Variants in PTPRK observed in about 807,000 individuals in gnomAD.
PTPRK encodes the protein receptor-type tyrosine-protein phosphatase kappa.
In PTPRK, 75 loss-of-function variants were observed where a neutral mutation model predicts 178.0. The observed-to-expected ratio is 0.42, with a 90% CI of 0.35 to 0.51. The LOEUF is 0.51. PTPRK is among the 20% of genes least tolerant of loss of function. PTPRK has a pLI of 0.02. For missense variants in PTPRK, 1,441 were observed against 1,797.8 expected (o/e 0.80, Z 3.59); for synonymous variants, 637 against 620.6 (o/e 1.03, Z -0.39).
At chr6:128,384,456 T>C (rs1838402861) in intron 2 of PTPRK, among the ~76,000 whole-genome samples, 1 of 152,134 alleles carries the variant, frequency 6.6e-6, no homozygotes, top group African/African-American at 2.4e-5. Context: ...ATCAGGGGTG[T>C]CCAATCTTTT....
At chr6:128,205,518 G>C (rs1296959170) in intron 6 of PTPRK, among the ~76,000 whole-genome samples, 1 of 152,068 alleles carries the variant, frequency 6.6e-6, no homozygotes, top group African/African-American at 2.4e-5. Flanking sequence ...GGGAGGCTAA[G>C]ATGGGTGGAT....
At chr6:128,250,756 A>G (rs1816335462) in intron 3 of PTPRK, among the ~76,000 whole-genome samples, 1 of 152,232 alleles carries the variant, frequency 6.6e-6, no homozygotes, top group Admixed American at 6.5e-5. Context: ...CAGTATCTAC[A>G]TGAAAACTTA....
intron 7 of PTPRK, among the ~76,000 whole-genome samples, chr6:128,146,097 G>T (rs2114533183): frequency 6.6e-6 from 1 of 152,272 alleles, no homozygotes; most frequent in African/African-American, 2.4e-5. Flanking sequence ...CCTTTCCCTA[G>T]ATAAGCCAAA....
chr6:128,006,590 T>C (rs966603086), intron 14 of PTPRK, among the ~76,000 whole-genome samples: 1 of 151,026 alleles, frequency 6.6e-6, no homozygotes, highest in African/African-American at 2.4e-5. Flanking sequence ...ATATACCATA[T>C]ACTATATATA....
At chr6:128,241,781 CTTTT>C (rs930513368) in intron 4 of PTPRK, among the ~76,000 whole-genome samples, 7 of 132,144 alleles carry the variant, frequency 5.3e-5, no homozygotes, top group Admixed American at 7.6e-5. Context: ...TGTTTGCTTT[CTTTT>C]TTTTTTTTTT....
intron 7 of PTPRK, among the ~76,000 whole-genome samples, chr6:128,115,797 A>G (rs1407297080): frequency 3.9e-5 from 6 of 152,122 alleles, no homozygotes. Flanking sequence ...AACAAGTCTT[A>G]TTTTAAGATA....
At chr6:128,147,131 T>C (rs182311970) in intron 7 of PTPRK, among the ~76,000 whole-genome samples, 4 of 152,292 alleles carry the variant, frequency 2.6e-5, no homozygotes, top group Admixed American at 1.3e-4. Context: ...GTAGTAAATA[T>C]TATTAGTTAC....
intron 1 of PTPRK, among the ~76,000 whole-genome samples, chr6:128,451,096 G>A (rs935495446): frequency 6.6e-6 from 1 of 152,056 alleles, no homozygotes; most frequent in African/African-American, 2.4e-5. Context: ...AGCCAAAAAC[G>A]GTATACTAAA....
rs1785256397 is a variant in PTPRK, at chr6:128,083,823, C to A, written c.1467G>T (p.Val489=). ...GAGATTTTACTGGTACGGGACCAGG[C>A]ACTACAAAACACATGAATTTTTTGT... The part of the protein sequence containing the change: ...EETIIQTDED[V]PGPVPVKSLQ... Residue 489 remains valine, a splice_region_variant and synonymous_variant, in exon 9 of 30, where the codon GTG becomes GTT. Transcript: ENST00000368226. The A allele has an allele frequency of 6.6e-7, 1 of 1,520,442 alleles. No homozygotes were observed. Among genetic ancestry groups the A allele is most frequent in the South Asian group, 1.3e-5 (1 of 76,884 alleles). The allele number at this position is 1,520,442 out of a possible 1,614,324, so 94.2% of individuals were successfully genotyped here.
At chr6:128,463,253 C>G (rs774141939) in intron 1 of PTPRK, among the ~76,000 whole-genome samples, 1 of 152,140 alleles carries the variant, frequency 6.6e-6, no homozygotes, top group Non-Finnish European at 1.5e-5. Context: ...AAGCACTGCC[C>G]TTCCAAGTTT....
At chr6:128,037,439 G>A (rs1582648085) in intron 13 of PTPRK, among the ~76,000 whole-genome samples, 2 of 152,152 alleles carry the variant, frequency 1.3e-5, no homozygotes, top group East Asian at 3.9e-4. Context: ...CTCTGAGAGA[G>A]TTACCCAATT....
intron 1 of PTPRK, among the ~76,000 whole-genome samples, chr6:128,451,496 GT>G (rs1554267281): frequency 1.3e-5 from 2 of 151,890 alleles, no homozygotes; most frequent in Non-Finnish European, 2.9e-5. Context: ...TGTGGGGTGA[GT>G]TTTTTTAATA....
chr6:128,044,488 C>T (rs985318506), intron 13 of PTPRK, among the ~76,000 whole-genome samples: 7 of 151,874 alleles, frequency 4.6e-5, no homozygotes, highest in African/African-American at 1.7e-4. Flanking sequence ...TCCAGTGGCT[C>T]TCCTTCACAC....
At chr6:128,257,876 G>C (rs1335541165) in intron 3 of PTPRK, among the ~76,000 whole-genome samples, 1 of 151,884 alleles carries the variant, frequency 6.6e-6, no homozygotes, top group Non-Finnish European at 1.5e-5. Flanking sequence ...TCTATACTGC[G>C]TGTCACCAAA....
chr6:128,487,704 G>A (rs1853154679), intron 1 of PTPRK, among the ~76,000 whole-genome samples: 1 of 152,078 alleles, frequency 6.6e-6, no homozygotes, highest in South Asian at 2.1e-4. Flanking sequence ...TCAATCCTAA[G>A]AATAAAAATA....
chr6:128,175,177 T>C (rs924785537), intron 7 of PTPRK, among the ~76,000 whole-genome samples: 1 of 152,016 alleles, frequency 6.6e-6, no homozygotes, highest in Non-Finnish European at 1.5e-5. Flanking sequence ...TCTCCTACAA[T>C]AGCTGTTTGA....
chr6:128,295,765 T>C (rs1025909389), intron 3 of PTPRK, among the ~76,000 whole-genome samples: 1 of 152,102 alleles, frequency 6.6e-6, no homozygotes, highest in South Asian at 2.1e-4. Context: ...AGCTTGATTC[T>C]CCAAAATTAA....
intron 2 of PTPRK, among the ~76,000 whole-genome samples, chr6:128,359,928 A>G (rs1176736702): frequency 6.6e-6 from 1 of 152,194 alleles, no homozygotes; most frequent in African/African-American, 2.4e-5. Context: ...AGTCAAAGGA[A>G]TGCTGGTCTT....
At chr6:128,324,119 G>T (rs1402676898) in intron 2 of PTPRK, among the ~76,000 whole-genome samples, 2 of 152,052 alleles carry the variant, frequency 1.3e-5, no homozygotes, top group South Asian at 4.1e-4. Context: ...CCTAGTGTTT[G>T]TTACTGGGCC....
Sources: allele counts gnomAD v4.1 joint callset (sites outside exome capture counted in the v4.1 genomes callset), GRCh38; gene constraint gnomAD v4.1.1; transcripts MANE v1.5; gene names NCBI Gene and HGNC (gene_info 2026-07-23, HGNC 2026-07-21).